The following SNX18 variants were observed in gnomAD, a reference collection of about 807,000 sequenced individuals.
The protein encoded by SNX18 is sorting nexin 18.
A neutral mutation model predicts 48.7 loss-of-function variants in SNX18; 35 were observed. That is an observed-to-expected ratio of 0.72 (90% CI 0.55 to 0.95). SNX18 has a LOEUF of 0.95. Ranked by LOEUF, SNX18 falls within the 40% of genes least tolerant of loss-of-function variation. SNX18 has a pLI of 0.00. For synonymous variants in SNX18, 492 were observed against 384.7 expected (o/e 1.28, Z -3.26); for missense variants, 824 against 871.0 (o/e 0.95, Z 0.68).
the SNX18 span, among the ~76,000 whole-genome samples, chr5:54,636,659 G>GA: frequency 6.6e-6 from 1 of 151,892 alleles, no homozygotes; most frequent in Non-Finnish European, 1.5e-5. Flanking sequence ...AATGAGTAAG[G>GA]AAAAAAGAAA....
chr5:54,646,573 C>T, the SNX18 span, among the ~76,000 whole-genome samples: 1 of 152,172 alleles, frequency 6.6e-6, no homozygotes, highest in Non-Finnish European at 1.5e-5. Flanking sequence ...CCACTACTAA[C>T]CAGAAGGTAT....
At chr5:54,543,076 T>A (rs137891764) in intron 1 of SNX18, 103 bp from the exon 2 acceptor site, 2 of 1,116,700 alleles carry the variant, frequency 1.8e-6, no homozygotes, top group African/African-American at 3.2e-5. Flanking sequence ...GAAAATAGTT[T>A]GGGCAACTAT....
rs989803775 is a variant in SNX18 at position 54,519,314 on chromosome 5, C to T, written c.1362C>T (p.Arg454=). The T allele has an allele frequency of 1.2e-6, 2 of 1,613,790 alleles. No individual in the cohort carries two copies. Among genetic ancestry groups the T allele is most frequent in the African/African-American group, 1.3e-5 (1 of 74,894 alleles). The change falls in exon 1 of 2, where the codon CGC becomes CGT. Residue 454 remains arginine, a synonymous_variant. Transcript: ENST00000381410. ...QLNHTANEFA[R]KQVTGFKKEY... is the part of the protein sequence containing the mutation. ...ACCACACGGCCAACGAGTTCGCGCG[C>T]AAGCAGGTGACCGGCTTCAAAAAGG...
chr5:54,576,543 G>T, the SNX18 span, among the ~76,000 whole-genome samples: 3 of 152,168 alleles, frequency 2.0e-5, no homozygotes, highest in African/African-American at 7.2e-5. Flanking sequence ...TTGCCCTAAC[G>T]GCACTGGTGG....
At chr5:54,625,219 A>G in the SNX18 span, among the ~76,000 whole-genome samples, 1 of 152,096 alleles carries the variant, frequency 6.6e-6, no homozygotes, top group Non-Finnish European at 1.5e-5. Context: ...CACCTCCAAA[A>G]CATAGTGGAT....
the SNX18 span, among the ~76,000 whole-genome samples, chr5:54,553,189 G>A: frequency 3.3e-5 from 5 of 152,136 alleles, no homozygotes; most frequent in African/African-American, 1.2e-4. Context: ...AATGAGATGT[G>A]GGGCTCCCAG....
At chr5:54,530,557 G>A (rs534045372) in intron 1 of SNX18, among the ~76,000 whole-genome samples, 3 of 152,158 alleles carry the variant, frequency 2.0e-5, no homozygotes, top group African/African-American at 2.4e-5. Flanking sequence ...AAAGAGTGAC[G>A]TTTAATCATA....
the SNX18 span, among the ~76,000 whole-genome samples, chr5:54,566,501 A>T: frequency 3.3e-5 from 5 of 152,240 alleles, no homozygotes; most frequent in Admixed American, 2.6e-4. Flanking sequence ...TAGACATTGG[A>T]GCCCTTGTCA....
the SNX18 span, chr5:54,645,364 C>T: frequency 6.6e-6 from 1 of 152,210 alleles, no homozygotes; most frequent in Non-Finnish European, 1.5e-5. Context: ...TGTTGCATTG[C>T]ATTATAAGAA....
rs1257720206 is a variant in SNX18 at position 54,518,133 on chromosome 5, GC to G, written c.186del (p.Glu63SerfsTer163). On this transcript the variant is annotated frameshift_variant, in exon 1 of 2. Coordinates refer to ENST00000381410, the MANE Select transcript of SNX18 (RefSeq NM_001102575.2). LOFTEE classifies it high-confidence loss of function. Reference sequence around the variant, plus strand: ...GGCCTCCTATGTGCAGGTGATCCGCGCCCCCGAGCCTGGCCCGGCGGGAGAC... The same window carrying G: ...GGCCTCCTATGTGCAGGTGATCCGCGCCCCGAGCCTGGCCCGGCGGGAGAC... ...FPASYVQVIR[A>X]PEPGPAGDGG... is the part of the protein sequence containing the mutation. 4 of 1,431,110 alleles carry G rather than the reference GC, an allele frequency of 2.8e-6. No homozygotes were observed. The highest frequency in any genetic ancestry group is 2.7e-6 in the Non-Finnish European group (3 of 1,097,750). 88.7% of individuals were successfully genotyped at this position (1,431,110 alleles called of 1,614,324 possible). A position where few individuals can be genotyped will look rare whatever the true frequency, so the allele number is the denominator to read the frequency against.
At chr5:54,592,917 C>T in the SNX18 span, among the ~76,000 whole-genome samples, 4 of 152,218 alleles carry the variant, frequency 2.6e-5, no homozygotes, top group Admixed American at 1.3e-4. Flanking sequence ...TCTCATGCCT[C>T]AGCCTCCCAA....
the SNX18 span, among the ~76,000 whole-genome samples, chr5:54,557,132 A>G: frequency 2.0e-5 from 3 of 152,230 alleles, no homozygotes; most frequent in Admixed American, 2.0e-4. Flanking sequence ...CTTGCTAGCA[A>G]TTCATAAAAG....
chr5:54,602,444 G>A, the SNX18 span, among the ~76,000 whole-genome samples: 1 of 152,176 alleles, frequency 6.6e-6, no homozygotes, highest in Non-Finnish European at 1.5e-5. Flanking sequence ...ACTGCTGGCT[G>A]AAATAAAGAG....
the SNX18 span, among the ~76,000 whole-genome samples, chr5:54,577,659 T>C: frequency 6.6e-6 from 1 of 152,146 alleles, no homozygotes; most frequent in East Asian, 1.9e-4. Context: ...AGAGGGACGC[T>C]AGAGGCTAAA....
the SNX18 span, among the ~76,000 whole-genome samples, chr5:54,562,767 A>G: frequency 6.6e-6 from 1 of 152,222 alleles, no homozygotes. Context: ...ATGAAAAGAA[A>G]GTTAACTGTA....
At chr5:54,633,322 T>C in the SNX18 span, among the ~76,000 whole-genome samples, 4 of 152,070 alleles carry the variant, frequency 2.6e-5, 1 homozygote, top group East Asian at 1.9e-4. Flanking sequence ...GATGGCATCA[T>C]AGAAGATATA....
intron 1 of SNX18, among the ~76,000 whole-genome samples, chr5:54,526,861 T>C (rs1012650666): frequency 4.0e-4 from 60 of 151,726 alleles, no homozygotes; most frequent in African/African-American, 1.4e-3. Flanking sequence ...GATGAAGTAC[T>C]AGTAAGAGTG....
At chr5:54,595,695 T>C in the SNX18 span, among the ~76,000 whole-genome samples, 15 of 152,156 alleles carry the variant, frequency 9.9e-5, no homozygotes, top group Admixed American at 9.8e-4. Context: ...GGGACACACG[T>C]TGTATTGGTG....
chr5:54,597,108 G>C, the SNX18 span, among the ~76,000 whole-genome samples: 13 of 152,286 alleles, frequency 8.5e-5, no homozygotes, highest in African/African-American at 3.1e-4. Flanking sequence ...TGCAATCCTA[G>C]TTTCTGACAA....
Sources: gnomAD v4.1 joint callset for allele counts (sites outside exome capture counted in the v4.1 genomes callset) on GRCh38, gnomAD v4.1.1 for gene constraint, MANE v1.5 for transcripts, NCBI Gene and HGNC (gene_info 2026-07-23, HGNC 2026-07-21) for gene names.